MACROD2: variants seen among roughly 807,000 people sequenced by gnomAD.
The protein encoded by MACROD2 is mono-ADP ribosylhydrolase 2.
A neutral mutation model predicts 70.4 loss-of-function variants in MACROD2; 36 were observed. That is an observed-to-expected ratio of 0.51 (90% CI 0.39 to 0.68). MACROD2 has a LOEUF of 0.68. MACROD2 is among the 30% of genes least tolerant of loss of function. MACROD2 has a pLI of 0.00. For missense variants in MACROD2, 496 were observed against 538.4 expected (o/e 0.92, Z 0.78); for synonymous variants, 172 against 178.8 (o/e 0.96, Z 0.30).
In MACROD2 at chr20:15,428,318, C is replaced by A. The variant is rs569818612; in HGVS notation, c.541-3087C>A. On this transcript the variant is annotated intron_variant, in intron 6 of 17. Transcript: ENST00000684519. The stretch of plus-strand genomic sequence containing the variant: ...CATCTTGTTGAAAACATTTTGCTAT[C>A]TTCTGGCTTTCCCTTTGAAAGAGTT... 1.2e-4 allele frequency among the ~76,000 whole-genome samples: 19 copies of A among 152,290 alleles called. No individual in the cohort carries two copies. In the East Asian group the frequency reaches 2.5e-3, roughly 20 times the overall value.
chr20:15,435,884 T>G (rs429535), intron 7 of MACROD2, among the ~76,000 whole-genome samples: 52,398 of 151,946 alleles, frequency 0.34, 9,380 homozygotes, highest in African/African-American at 0.41. Flanking sequence ...TTAGCTGGCT[T>G]GGAGGGCTGT....
intron 10 of MACROD2, among the ~76,000 whole-genome samples, chr20:15,926,585 GGGT>G (rs2065492850): frequency 6.6e-6 from 1 of 152,214 alleles, no homozygotes; most frequent in African/African-American, 2.4e-5. Flanking sequence ...GAGTGTGTGA[GGGT>G]GGGGAGATGA....
intron 8 of MACROD2, among the ~76,000 whole-genome samples, chr20:15,539,744 T>C (rs549599665): frequency 2.1e-3 from 326 of 152,234 alleles, no homozygotes; most frequent in African/African-American, 7.5e-3. Context: ...TCCCAGCACT[T>C]TGGGAGGCCA....
At chr20:15,834,617 C>T (rs887586469) in intron 8 of MACROD2, among the ~76,000 whole-genome samples, 1 of 152,134 alleles carries the variant, frequency 6.6e-6, no homozygotes, top group African/African-American at 2.4e-5. Flanking sequence ...TCGACTGACT[C>T]CTCTACTTAA....
At chr20:15,633,637 C>A (rs2049323304) in intron 8 of MACROD2, among the ~76,000 whole-genome samples, 1 of 151,974 alleles carries the variant, frequency 6.6e-6, no homozygotes, top group Non-Finnish European at 1.5e-5. Context: ...ATTACTAGGA[C>A]TGGGTTGCTA....
chr20:14,014,967 A>ATT (rs61499812), intron 2 of MACROD2, among the ~76,000 whole-genome samples: 3 of 113,208 alleles, frequency 2.6e-5, no homozygotes. Flanking sequence ...TGCCCAGCAA[A>ATT]TTTTTTTTTT....
At chr20:14,277,104 T>A (rs1385281277) in intron 3 of MACROD2, among the ~76,000 whole-genome samples, 1 of 151,758 alleles carries the variant, frequency 6.6e-6, no homozygotes, top group Non-Finnish European at 1.5e-5. Context: ...TGATTTGAGA[T>A]CAGCATGACT....
At position 15,336,387 on chromosome 20, in the gene MACROD2, G is replaced by GAA. The variant is rs11087130; in HGVS notation, c.541-95010_541-95009dup. On this transcript the variant is annotated intron_variant, in intron 6 of 17. Transcript: ENST00000684519. ...GTGTGTTTTAACCAAAAAAAAAAAA[G>GAA]AAAAAAAAAGGTGTGGAATTGATCT... is the stretch of plus-strand genomic sequence containing the variant. Among the ~76,000 whole-genome samples the GAA allele has an allele frequency of 2.1e-4, 31 of 145,246 alleles. 1 individual carries two copies. Among genetic ancestry groups the GAA allele is most frequent in the African/African-American group, 5.2e-4 (20 of 38,590 alleles).
At chr20:14,001,474 C>CT (rs2052731914) in intron 1 of MACROD2, among the ~76,000 whole-genome samples, 1 of 150,638 alleles carries the variant, frequency 6.6e-6, no homozygotes, top group East Asian at 2.0e-4. Flanking sequence ...TGGTGGTTGC[C>CT]TTTTTTTGTG....
chr20:15,211,106 C>T (rs2076759914), intron 5 of MACROD2, among the ~76,000 whole-genome samples: 1 of 152,148 alleles, frequency 6.6e-6, no homozygotes, highest in South Asian at 2.1e-4. Flanking sequence ...GTTCATTCCC[C>T]CTTCCCCACT....
At chr20:14,953,980 T>C (rs1040886340) in intron 5 of MACROD2, among the ~76,000 whole-genome samples, 1 of 152,164 alleles carries the variant, frequency 6.6e-6, no homozygotes, top group Admixed American at 6.5e-5. Flanking sequence ...CCAGTACTTC[T>C]TCAGTTTGAT....
rs917466299 is a variant in MACROD2, at chr20:14,582,534, C to T, written c.301+89026C>T. 2.6e-5 allele frequency among the ~76,000 whole-genome samples: 4 copies of T among 152,028 alleles called. No homozygotes were observed. The East Asian group carries it at 7.8e-4, about 29-fold the overall frequency. On this transcript the variant is annotated intron_variant, in intron 4 of 17. Coordinates refer to ENST00000684519, the MANE Select transcript of MACROD2 (RefSeq NM_001351661.2). ...CAGCAAACATTTTATAGACTCAAGC[C>T]ACATAATAGGTCCATAACATCAGCA...
At chr20:14,034,652 G>A (rs2053286017) in intron 2 of MACROD2, among the ~76,000 whole-genome samples, 1 of 152,164 alleles carries the variant, frequency 6.6e-6, no homozygotes, top group Non-Finnish European at 1.5e-5. Context: ...TTAAAATCAT[G>A]AGTGAGATTA....
At chr20:14,456,034 T>A (rs1185866612) in intron 3 of MACROD2, among the ~76,000 whole-genome samples, 1 of 151,862 alleles carries the variant, frequency 6.6e-6, no homozygotes, top group African/African-American at 2.4e-5. Flanking sequence ...TATTAAAATA[T>A]ATGAATTAAA....
At chr20:15,426,472 G>C (rs1463760445) in intron 6 of MACROD2, among the ~76,000 whole-genome samples, 1 of 152,100 alleles carries the variant, frequency 6.6e-6, no homozygotes. Flanking sequence ...AGCCTCCTGA[G>C]TAGCTGGGAC....
rs190696958 is a variant in MACROD2 at position 14,088,683 on chromosome 20, T to C, written c.271+2955T>C. ...CACTTAATACAGTAATAATGGTCTT[T>C]GTTGGATTTTGCTGTCTTCCCATGG... On this transcript the variant is annotated intron_variant, in intron 3 of 17. Coordinates refer to ENST00000684519, the MANE Select transcript of MACROD2 (RefSeq NM_001351661.2). Among the ~76,000 whole-genome samples the C allele has an allele frequency of 4.6e-5, 7 of 152,334 alleles. No individual in the cohort carries two copies. In the East Asian group the frequency reaches 1.3e-3, roughly 29 times the overall value.
intron 5 of MACROD2, among the ~76,000 whole-genome samples, chr20:15,074,498 G>A (rs868473350): frequency 5.9e-5 from 9 of 152,274 alleles, no homozygotes; most frequent in Admixed American, 2.0e-4. Flanking sequence ...ACCCGAGGAG[G>A]AGGTTGTGGG....
In MACROD2 at chr20:15,802,117, CTG is replaced by C. The variant is rs1453997121; in HGVS notation, c.646-60626_646-60625del. Among the ~76,000 whole-genome samples the C allele has an allele frequency of 6.6e-5, 10 of 152,168 alleles. 1 individual carries two copies. Among genetic ancestry groups the C allele is most frequent in the Non-Finnish European group, 1.0e-4 (7 of 68,014 alleles). On this transcript the variant is annotated intron_variant, in intron 8 of 17. Transcript: ENST00000684519. The stretch of plus-strand genomic sequence containing the variant: ...TTTTCAGTGAAATTTTTAGGTTAGT[CTG>C]TATATAAGATCATATCATCTGTGGG...
chr20:15,348,440 G>A (rs2078190429), intron 6 of MACROD2, among the ~76,000 whole-genome samples: 1 of 152,162 alleles, frequency 6.6e-6, no homozygotes, highest in Non-Finnish European at 1.5e-5. Context: ...TTAACCTCCA[G>A]CATGAAATTT....
Sources: gnomAD v4.1 joint callset for allele counts (sites outside exome capture counted in the v4.1 genomes callset) on GRCh38, gnomAD v4.1.1 for gene constraint, MANE v1.5 for transcripts, NCBI Gene and HGNC (gene_info 2026-07-23, HGNC 2026-07-21) for gene names.